Variants in DIP2C observed in about 807,000 individuals in gnomAD.
DIP2C encodes DIP2 acetate--CoA ligase C (putative), also known as disco-interacting protein 2 homolog C.
Under a neutral mutation model 192.4 loss-of-function variants are expected in DIP2C, and 33 were observed. That is an observed-to-expected ratio of 0.17 (90% confidence interval 0.13 to 0.23). The LOEUF is 0.23. Among genes scored for constraint, DIP2C ranks in the 10% least tolerant of loss-of-function variants. The pLI is 1.00. For synonymous variants in DIP2C, 979 were observed against 864.1 expected, an observed-to-expected ratio of 1.13 and a Z score of -2.33; for missense variants, 1,537 against 2,110.1, an observed-to-expected ratio of 0.73 and a Z score of 5.32.
intron 32 of DIP2C, among the ~76,000 whole-genome samples, chr10:292,200 G>A (rs570414554): frequency 9.7e-4 from 147 of 152,308 alleles, no homozygotes; most frequent in African/African-American, 3.3e-3. Flanking sequence ...TGCCTCCAAC[G>A]TGCATTACTG....
chr10:600,866 G>A (rs1000168360), intron 1 of DIP2C, among the ~76,000 whole-genome samples: 3 of 151,556 alleles, frequency 2.0e-5, no homozygotes, highest in Middle Eastern at 6.9e-3. Context: ...TCTGGTCAAA[G>A]CTTTTTCTGT....
chr10:285,072 C>T (rs1955025346), intron 34 of DIP2C, among the ~76,000 whole-genome samples: 1 of 151,196 alleles, frequency 6.6e-6, no homozygotes, highest in South Asian at 2.1e-4. Flanking sequence ...AAAGGAAACT[C>T]CTAAGTGAGA....
chr10:507,832 G>A (rs141111009), intron 1 of DIP2C, among the ~76,000 whole-genome samples: 3 of 152,308 alleles, frequency 2.0e-5, no homozygotes, highest in African/African-American at 7.2e-5. Flanking sequence ...GACAATCTCT[G>A]CATCATCCTC....
intron 4 of DIP2C, among the ~76,000 whole-genome samples, chr10:440,140 A>G (rs939372707): frequency 2.6e-5 from 4 of 152,208 alleles, no homozygotes; most frequent in Non-Finnish European, 5.9e-5. Flanking sequence ...GGGCAGAGAA[A>G]ATAGAGAATT....
intron 2 of DIP2C, among the ~76,000 whole-genome samples, chr10:473,971 G>A (rs1000685593): frequency 5.3e-5 from 8 of 152,210 alleles, no homozygotes; most frequent in South Asian, 2.1e-4. Flanking sequence ...CTCCTACACC[G>A]TCATTTTGCT....
intron 23 of DIP2C, 108 bp from the exon 24 acceptor site, chr10:356,614 G>A: frequency 2.2e-6 from 2 of 894,738 alleles, no homozygotes; most frequent in Non-Finnish European, 3.4e-6. Context: ...GAGTGCTTTG[G>A]GTCTTAAAAC....
intron 4 of DIP2C, among the ~76,000 whole-genome samples, chr10:432,948 T>C (rs1338362076): frequency 6.8e-6 from 1 of 146,206 alleles, no homozygotes; most frequent in Non-Finnish European, 1.6e-5. Flanking sequence ...AGTCATCTAT[T>C]ATTTATTTCT....
intron 1 of DIP2C, among the ~76,000 whole-genome samples, chr10:512,031 A>G (rs1027836518): frequency 2.0e-5 from 3 of 152,132 alleles, no homozygotes; most frequent in Non-Finnish European, 2.9e-5. Context: ...GACACCGCAC[A>G]CGTTAGGGTC....
At chr10:604,888 A>AC (rs1311398603) in intron 1 of DIP2C, among the ~76,000 whole-genome samples, 13 of 152,210 alleles carry the variant, frequency 8.5e-5, no homozygotes, top group African/African-American at 2.2e-4. Flanking sequence ...TCGGCTGGGC[A>AC]CCCGAGTTTC....
chr10:407,344 T>C (rs1465770051), intron 9 of DIP2C, among the ~76,000 whole-genome samples: 3 of 152,218 alleles, frequency 2.0e-5, no homozygotes, highest in Non-Finnish European at 2.9e-5. Flanking sequence ...AGTCCGTGGA[T>C]TTGGGGTTGC....
chr10:552,486 A>G (rs917287784), intron 1 of DIP2C, among the ~76,000 whole-genome samples: 2 of 152,220 alleles, frequency 1.3e-5, no homozygotes, highest in East Asian at 3.8e-4. Context: ...CTCATAGACT[A>G]AGTATTAAAT....
chr10:444,045 C>G (rs1364769128), intron 3 of DIP2C, among the ~76,000 whole-genome samples: 1 of 152,220 alleles, frequency 6.6e-6, no homozygotes, highest in African/African-American at 2.4e-5. Flanking sequence ...CCTCGTGAGA[C>G]AGCCACTGTT....
At chr10:474,698 G>T (rs1033662933) in intron 2 of DIP2C, among the ~76,000 whole-genome samples, 1 of 152,216 alleles carries the variant, frequency 6.6e-6, no homozygotes, top group Non-Finnish European at 1.5e-5. Flanking sequence ...CCACACATCC[G>T]AAAGTGCTTC....
At chr10:399,302 A>C (rs1964230520) in intron 9 of DIP2C, 83 bp from the exon 10 acceptor site, 1 of 1,045,462 alleles carries the variant, frequency 9.6e-7, no homozygotes, top group African/African-American at 1.6e-5. Context: ...GTTCTAGGTG[A>C]GAGGGCACGC....
chr10:353,681 C>T lies in DIP2C; in HGVS notation c.2985+2745G>A, dbSNP rs184403221. The stretch of plus-strand genomic sequence containing the variant: ...GGCGTGAGCCATGGTGCCTGGCCTC[C>T]ACCACTTTAAATGAGCTTGTGACTA... On this transcript the variant is annotated intron_variant, in intron 24 of 36. Transcript: ENST00000280886. 2.6e-4 allele frequency among the ~76,000 whole-genome samples: 39 copies of T among 152,296 alleles called. 1 individual carries two copies. In the East Asian group the frequency reaches 5.8e-3, roughly 23 times the overall value.
chr10:345,104 G>A lies in DIP2C; in HGVS notation c.3238C>T (p.Arg1080Cys), dbSNP rs771092837. Residue 1080 changes from arginine (R) to cysteine (C), a missense_variant, in exon 27 of 37, where the codon CGC becomes TGC. Transcript: ENST00000280886. ...TGTGTCGTCATCAGACAGGCAGAGC[G>A]ACTCACCTGGCATCAGAGAGCGAGA... is the stretch of plus-strand genomic sequence containing the variant. ...PTVKMIVEVS[R>C]SACLMTTQLI... is the part of the protein sequence containing the mutation. The A allele has an allele frequency of 1.2e-5, 20 of 1,611,188 alleles. 1 individual carries two copies. Among genetic ancestry groups the A allele is most frequent in the African/African-American group, 2.7e-5 (2 of 74,916 alleles).
chr10:681,903 C>T (rs1368638992), intron 1 of DIP2C, among the ~76,000 whole-genome samples: 3 of 152,212 alleles, frequency 2.0e-5, no homozygotes, highest in African/African-American at 7.2e-5. Flanking sequence ...GGAGGGCCCC[C>T]CAACACTCAC....
intron 3 of DIP2C, among the ~76,000 whole-genome samples, chr10:443,825 G>A (rs1166633117): frequency 6.6e-6 from 1 of 152,154 alleles, no homozygotes; most frequent in Non-Finnish European, 1.5e-5. Flanking sequence ...TAGTACCACT[G>A]TGAAAAATCT....
Position 363,485 on chromosome 10 carries a change from G to T in DIP2C, c.2478-174C>A, listed in dbSNP as rs1375217551. Reference sequence around the variant, plus strand: ...CACTCATCAGTACGGGAAGAACTGTGGGAGGCGCCCAGGGATGCTGCCGAG... The same window carrying T: ...CACTCATCAGTACGGGAAGAACTGTTGGAGGCGCCCAGGGATGCTGCCGAG... On this transcript the variant is annotated intron_variant, in intron 20 of 36. Coordinates refer to ENST00000280886, the MANE Select transcript of DIP2C (RefSeq NM_014974.3). The surrounding 1 kb of genome is among the most constrained non-coding windows in gnomAD (Gnocchi z 5.4). Among the ~76,000 whole-genome samples, 1 of 152,168 alleles carries T rather than the reference G, an allele frequency of 6.6e-6. No individual in the cohort carries two copies. Among genetic ancestry groups the T allele is most frequent in the Non-Finnish European group, 1.5e-5 (1 of 68,018 alleles).
Sources: gnomAD v4.1 joint callset for allele counts (sites outside exome capture counted in the v4.1 genomes callset) on GRCh38, gnomAD v4.1.1 for gene constraint, Gnocchi (gnomAD v3.1) non-coding constraint, MANE v1.5 for transcripts, NCBI Gene and HGNC (gene_info 2026-07-23, HGNC 2026-07-21) for gene names.